MAPK8: variants seen among roughly 807,000 people sequenced by gnomAD.
The protein encoded by MAPK8 is JUN N-terminal kinase.
MAPK8 carries 13 observed loss-of-function variants against 52.9 expected under a neutral mutation model. The observed-to-expected ratio is 0.25, with a 90% CI of 0.16 to 0.39. MAPK8 has a LOEUF of 0.39. MAPK8 is among the 10% of genes least tolerant of loss of function. The pLI is 1.00. For synonymous variants in MAPK8, 191 were observed against 169.8 expected (o/e 1.12, Z -0.97); for missense variants, 300 against 519.2 (o/e 0.58, Z 4.10).
intron 1 of MAPK8, among the ~76,000 whole-genome samples, chr10:48,341,197 C>T (rs73293198): frequency 0.036 from 5,556 of 152,282 alleles, 286 homozygotes; most frequent in African/African-American, 0.11. Flanking sequence ...ATGGATAATA[C>T]TGGACAGTGA....
At chr10:48,391,157 G>A (rs1420887553) in intron 1 of MAPK8, among the ~76,000 whole-genome samples, 8 of 152,206 alleles carry the variant, frequency 5.3e-5, no homozygotes, top group African/African-American at 1.7e-4. Flanking sequence ...TGTTGACATG[G>A]TTGTAGTCTT....
At chr10:48,361,248 T>G (rs932711323) in intron 1 of MAPK8, among the ~76,000 whole-genome samples, 1 of 152,200 alleles carries the variant, frequency 6.6e-6, no homozygotes, top group Non-Finnish European at 1.5e-5. Flanking sequence ...GTCTCCAAAT[T>G]AACATGTCCA....
chr10:48,361,972 C>T (rs1348946283), intron 1 of MAPK8, among the ~76,000 whole-genome samples: 3 of 152,148 alleles, frequency 2.0e-5, no homozygotes, highest in Non-Finnish European at 4.4e-5. Flanking sequence ...TTGATTCTTT[C>T]CAAAACTTCA....
intron 1 of MAPK8, among the ~76,000 whole-genome samples, chr10:48,359,288 A>G (rs908959330): frequency 2.0e-5 from 3 of 152,160 alleles, no homozygotes; most frequent in African/African-American, 7.2e-5. Context: ...GCGGATCCAC[A>G]GGTTTTCATT....
rs80180843 is a variant in MAPK8 at position 48,427,043 on chromosome 10, C to T, written c.997-37C>T. On this transcript the variant is annotated intron_variant, in intron 9 of 11. Coordinates refer to ENST00000374189, the MANE Select transcript of MAPK8 (RefSeq NM_001323329.2). ...AACTACAGAGTTAAAATACTCCCAG[C>T]ATACTGACTTGGTTATTATTGCCTT... is the stretch of plus-strand genomic sequence containing the variant. 695 of 1,505,238 alleles carry T rather than the reference C, an allele frequency of 4.6e-4. 8 individuals carry two copies. The East Asian group carries it at 0.014, about 29-fold the overall frequency. 93.2% of individuals were successfully genotyped at this position (1,505,238 alleles called of 1,614,324 possible).
intron 7 of MAPK8, chr10:48,424,426 A>G: frequency 1.2e-6 from 1 of 839,852 alleles, no homozygotes; most frequent in Non-Finnish European, 1.9e-6. Context: ...ATTTTAAAGT[A>G]TACATGGTGT....
At chr10:48,418,421 G>A (rs1431166172) in intron 5 of MAPK8, among the ~76,000 whole-genome samples, 2 of 152,158 alleles carry the variant, frequency 1.3e-5, no homozygotes. Context: ...AATGTGTGGT[G>A]CAGATCATGG....
intron 1 of MAPK8, among the ~76,000 whole-genome samples, chr10:48,367,756 G>A (rs1020172504): frequency 2.0e-4 from 31 of 152,138 alleles, no homozygotes; most frequent in African/African-American, 6.5e-4. Flanking sequence ...GTCATGAGAA[G>A]TATAAATAAA....
chr10:48,321,999 A>G (rs1325243605), intron 1 of MAPK8, among the ~76,000 whole-genome samples: 1 of 152,144 alleles, frequency 6.6e-6, no homozygotes. Flanking sequence ...AATGTTGGAA[A>G]ACCTATGGTG....
chr10:48,429,150 A>G (rs2133284428), intron 10 of MAPK8, among the ~76,000 whole-genome samples: 1 of 152,134 alleles, frequency 6.6e-6, no homozygotes, highest in South Asian at 2.1e-4. Flanking sequence ...TTTTGTAGAG[A>G]TGGGGTCTCA....
intron 3 of MAPK8, among the ~76,000 whole-genome samples, chr10:48,408,168 A>T (rs959787745): frequency 6.6e-6 from 1 of 152,208 alleles, no homozygotes; most frequent in Admixed American, 6.5e-5. Flanking sequence ...GTCAGCAAAC[A>T]TTTTTATATG....
At chr10:48,431,406 A>G (rs2044242248) in intron 11 of MAPK8, 136 bp downstream of exon 11, 1 of 636,692 alleles carries the variant, frequency 1.6e-6, no homozygotes. Flanking sequence ...AAGGAAATAC[A>G]GTTTTGTTTT....
intron 11 of MAPK8, among the ~76,000 whole-genome samples, chr10:48,432,608 G>A (rs755567998): frequency 2.0e-5 from 3 of 152,162 alleles, no homozygotes; most frequent in Non-Finnish European, 4.4e-5. Flanking sequence ...GGAGGCTCAG[G>A]TGGGATTTGA....
In MAPK8 at chr10:48,439,053, T is replaced by G. The variant is rs2045089006; in HGVS notation, c.*4024T>G. 1.3e-5 allele frequency: 2 copies of G among 152,138 alleles called. No homozygotes were observed. The highest frequency in any genetic ancestry group is 4.8e-5 in the African/African-American group (2 of 41,420). 9.4% of individuals were successfully genotyped at this position (152,138 alleles called of 1,614,324 possible). ...GTGACATCTATTTTCTCATTACAGT[T>G]TATCCTGGTCAGCAGGGTGTCACAC... On this transcript the variant is annotated 3_prime_UTR_variant, in exon 12 of 12. Transcript: ENST00000374189.
chr10:48,371,457 A>G lies in MAPK8; in HGVS notation c.-49-30155A>G, dbSNP rs143986278. On this transcript the variant is annotated intron_variant, in intron 1 of 11. Transcript: ENST00000374189. ...TTAAGTCATTTGACAGTATTATTCAAGGATTTTTTTCCCCCTCGAAGCACT... is the reference window on the plus strand; with the variant it reads ...TTAAGTCATTTGACAGTATTATTCAGGGATTTTTTTCCCCCTCGAAGCACT... Among the ~76,000 whole-genome samples, 842 of 152,178 alleles carry G rather than the reference A, an allele frequency of 5.5e-3. 4 individuals are homozygous for G. Among genetic ancestry groups the G allele is most frequent in the Non-Finnish European group, 7.1e-3 (482 of 67,984 alleles).
At chr10:48,360,520 A>G (rs1847420883) in intron 1 of MAPK8, among the ~76,000 whole-genome samples, 1 of 152,172 alleles carries the variant, frequency 6.6e-6, no homozygotes, top group Non-Finnish European at 1.5e-5. Flanking sequence ...TGTTCATAGC[A>G]ACGTTTTTTA....
intron 2 of MAPK8, among the ~76,000 whole-genome samples, chr10:48,403,441 GAGTGAGACTCCGTCTAAA>G (rs2042263181): frequency 1.3e-5 from 2 of 150,110 alleles, no homozygotes; most frequent in Non-Finnish European, 3.0e-5. Context: ...CTGGGTGATA[GAGTGAGACTCCGTCTAAA>G]AAAAAAAAAA....
At chr10:48,407,588 C>A (rs141308958) in intron 3 of MAPK8, among the ~76,000 whole-genome samples, 143 of 152,222 alleles carry the variant, frequency 9.4e-4, no homozygotes, top group African/African-American at 3.2e-3. Context: ...CTGTTTGAAT[C>A]TCTTTTATAA....
intron 1 of MAPK8, among the ~76,000 whole-genome samples, chr10:48,351,468 C>T (rs1343678838): frequency 6.6e-6 from 1 of 151,676 alleles, no homozygotes; most frequent in African/African-American, 2.4e-5. Context: ...CCTTAGCCTC[C>T]CAAAGTGTTG....
Sources: gnomAD v4.1 joint callset for allele counts (sites outside exome capture counted in the v4.1 genomes callset) on GRCh38, gnomAD v4.1.1 for gene constraint, MANE v1.5 for transcripts, NCBI Gene and HGNC (gene_info 2026-07-23, HGNC 2026-07-21) for gene names.